The following ABR variants were observed in gnomAD, a reference collection of about 807,000 sequenced individuals.
ABR encodes the protein active breakpoint cluster region-related protein.
ABR carries 35 observed loss-of-function variants against 107.2 expected under a neutral mutation model. The observed-to-expected ratio is 0.33, with a 90% CI of 0.25 to 0.43. ABR has a LOEUF of 0.43. Ranked by LOEUF, ABR falls within the 20% of genes least tolerant of loss-of-function variation. The pLI, the probability that ABR is intolerant of heterozygous loss-of-function variation, is 1.00. For synonymous variants in ABR, 498 were observed against 462.0 expected, an observed-to-expected ratio of 1.08 and a Z score of -1.00; for missense variants, 815 against 1,115.2, an observed-to-expected ratio of 0.73 and a Z score of 3.83.
chr17:1,196,257 C>G (rs568557223), intron 1 of ABR, among the ~76,000 whole-genome samples: 23 of 152,040 alleles, frequency 1.5e-4, no homozygotes, highest in African/African-American at 5.3e-4. Flanking sequence ...TGGCGAAACC[C>G]TCTTTCTACT....
chr17:1,136,009 A>T (rs1471617873), intron 1 of ABR, among the ~76,000 whole-genome samples: 1 of 151,910 alleles, frequency 6.6e-6, no homozygotes, highest in South Asian at 2.1e-4. Flanking sequence ...CATTACTCCT[A>T]AAGTCCCTGG....
chr17:1,162,837 G>C (rs140493392), intron 1 of ABR, among the ~76,000 whole-genome samples: 343 of 152,332 alleles, frequency 2.3e-3, no homozygotes, highest in Middle Eastern at 6.8e-3. Flanking sequence ...ACTTTGGGAG[G>C]CTGAGGCAGG....
intron 5 of ABR, among the ~76,000 whole-genome samples, chr17:1,082,735 T>C (rs1401627355): frequency 6.6e-6 from 1 of 152,180 alleles, no homozygotes; most frequent in Non-Finnish European, 1.5e-5. Context: ...ATATAGAATC[T>C]TGGGCCCCAC....
At chr17:1,040,102 C>T (rs1386315470) in intron 16 of ABR, among the ~76,000 whole-genome samples, 5 of 152,164 alleles carry the variant, frequency 3.3e-5, no homozygotes, top group African/African-American at 9.7e-5. Context: ...TACCGGCCGT[C>T]GATCATCTTC....
upstream of ABR, among the ~76,000 whole-genome samples, chr17:1,188,543 C>T (rs2042363808): frequency 1.1e-5 from 1 of 88,408 alleles, no homozygotes; most frequent in Admixed American, 9.6e-5. Flanking sequence ...GAGGGAGACT[C>T]CGTCTCAAAA....
In ABR at chr17:1,067,371, C is replaced by G. The variant is rs1173855091; in HGVS notation, c.1017-129G>C. The G allele has an allele frequency of 3.4e-6, 3 of 886,886 alleles. No individual in the cohort carries two copies. The African/African-American group carries it at 5.2e-5, about 15-fold the overall frequency. 54.9% of individuals were successfully genotyped at this position (886,886 alleles called of 1,614,324 possible). ...AACTCGCCAGAAGCAAGAACGATCC[C>G]TGCTCCTGAGGAGCCTGATTGGGAA... On this transcript the variant is annotated intron_variant, in intron 9 of 22. Transcript: ENST00000302538.
chr17:1,125,022 G>C (rs1380473072), intron 2 of ABR, among the ~76,000 whole-genome samples, 161 bp downstream of exon 2: 1 of 152,064 alleles, frequency 6.6e-6, no homozygotes, highest in African/African-American at 2.4e-5. Context: ...GCCTGAGAGG[G>C]GTCCAGGGCC....
At position 1,024,024 on chromosome 17, in the gene ABR, C is replaced by CAAAAAAAAAAAAAAAAAAAAAA. The variant is rs11334940; in HGVS notation, c.1792-10882_1792-10861dup. Among the ~76,000 whole-genome samples, 39 of 47,674 alleles carry CAAAAAAAAAAAAAAAAAAAAAA rather than the reference C, an allele frequency of 8.2e-4. 4 individuals are homozygous for CAAAAAAAAAAAAAAAAAAAAAA. The highest frequency in any genetic ancestry group is 0.019 in the Middle Eastern group (1 of 52). 31.3% of individuals were successfully genotyped at this position (47,674 alleles called of 152,430 possible). A position where few individuals can be genotyped will look rare whatever the true frequency, so the allele number is the denominator to read the frequency against. ...TGGGCGACAGAGCGAGACTCCATCT[C>CAAAAAAAAAAAAAAAAAAAAAA]AAAAAAAAAAAAAAAAAAAAAAAAA... is the stretch of plus-strand genomic sequence containing the variant. On this transcript the variant is annotated intron_variant, in intron 16 of 22. Transcript: ENST00000302538.
rs1005988533 is a variant in ABR, at chr17:1,027,908, A to G, written c.1792-14744T>C. Among the ~76,000 whole-genome samples the G allele has an allele frequency of 9.9e-5, 15 of 152,116 alleles. No homozygotes were observed. The highest frequency in any genetic ancestry group is 3.4e-4 in the African/African-American group (14 of 41,422). ...TTATAAAATAAAGTAGACGAGCCCA[A>G]GACATATCTGTATCTTGTACCCAGC... is the stretch of plus-strand genomic sequence containing the variant. On this transcript the variant is annotated intron_variant, in intron 16 of 22. Coordinates refer to ENST00000302538, the MANE Select transcript of ABR (RefSeq NM_021962.5). The surrounding 1 kb of genome is among the most constrained non-coding windows in gnomAD (Gnocchi z 4.7).
In ABR at chr17:1,051,673, C is replaced by A. The variant is rs2032547082; in HGVS notation, c.1562-1039G>T. On this transcript the variant is annotated intron_variant, in intron 14 of 22. Coordinates refer to ENST00000302538, the MANE Select transcript of ABR (RefSeq NM_021962.5). This position sits in a 1 kb window ranked among gnomAD's most constrained non-coding sequence, Gnocchi z 4.3. Reference sequence around the variant, plus strand: ...GTGCCTTTGGGACACTATGGCCAACCCTCTGCAGCGTGAAACAACGTCAGA... The same window carrying A: ...GTGCCTTTGGGACACTATGGCCAACACTCTGCAGCGTGAAACAACGTCAGA... 6.6e-6 allele frequency among the ~76,000 whole-genome samples: 1 copy of A among 152,228 alleles called. No homozygotes were observed. Among genetic ancestry groups the A allele is most frequent in the Non-Finnish European group, 1.5e-5 (1 of 68,038 alleles).
At chr17:1,212,205 G>T (rs2042916313) in intron 1 of ABR, among the ~76,000 whole-genome samples, 1 of 151,852 alleles carries the variant, frequency 6.6e-6, no homozygotes, top group African/African-American at 2.4e-5. Context: ...AAGGCAGGAA[G>T]ATCTCTCGAG....
chr17:1,105,887 C>T (rs980985331), intron 2 of ABR, among the ~76,000 whole-genome samples: 5 of 151,656 alleles, frequency 3.3e-5, no homozygotes, highest in African/African-American at 4.8e-5. Flanking sequence ...AAAAATGGCA[C>T]AGAATGATAC....
intron 2 of ABR, among the ~76,000 whole-genome samples, chr17:1,111,856 G>A (rs1449536096): frequency 1.3e-5 from 2 of 152,198 alleles, no homozygotes; most frequent in Non-Finnish European, 2.9e-5. Flanking sequence ...TCTAGCACCT[G>A]CCCCGGCCAC....
rs71357147 is a variant in ABR at position 1,010,451 on chromosome 17, G to A, written c.2236+278C>T. The A allele has an allele frequency of 8.5e-4, 393 of 462,512 alleles. 2 individuals are homozygous for A. Among genetic ancestry groups the A allele is most frequent in the Non-Finnish European group, 8.1e-4 (206 of 253,380 alleles). 28.7% of individuals were successfully genotyped at this position (462,512 alleles called of 1,614,324 possible). ...TCAGGGCAGTCTTCCCTGGATGCTC[G>A]AGCTTCCAAGCAAGAGGCCAACGTC... On this transcript the variant is annotated intron_variant, in intron 20 of 22. Coordinates refer to ENST00000302538, the MANE Select transcript of ABR (RefSeq NM_021962.5). This position sits in a 1 kb window ranked among gnomAD's most constrained non-coding sequence, Gnocchi z 4.1.
intron 1 of ABR, among the ~76,000 whole-genome samples, chr17:1,137,647 G>T (rs562066894): frequency 6.6e-6 from 1 of 152,318 alleles, no homozygotes; most frequent in South Asian, 2.1e-4. Context: ...GAAAGATCGT[G>T]AGAACCACCA....
At chr17:1,192,996 C>A (rs528405710) in intron 1 of ABR, among the ~76,000 whole-genome samples, 8 of 152,106 alleles carry the variant, frequency 5.3e-5, no homozygotes, top group Non-Finnish European at 8.8e-5. Context: ...TGTAGTGAGC[C>A]GAGATTGCGC....
intron 7 of ABR, 68 bp from the exon 8 acceptor site, chr17:1,072,822 G>A: frequency 6.5e-7 from 1 of 1,542,032 alleles, no homozygotes; most frequent in Non-Finnish European, 8.7e-7. Context: ...ACCGGGGAGT[G>A]CTCAGTCCCC....
chr17:1,186,911 A>G (rs978137267), exon 1 of ABR: 2 of 152,342 alleles, frequency 1.3e-5, no homozygotes, highest in African/African-American at 4.8e-5. Context: ...CTTAGCCCCA[A>G]GGGAAACAAG....
intron 11 of ABR, among the ~76,000 whole-genome samples, chr17:1,058,498 G>A (rs1358289808): frequency 1.3e-5 from 2 of 152,130 alleles, no homozygotes; most frequent in African/African-American, 4.8e-5. Flanking sequence ...CTGGGGGTGG[G>A]TGGGTGAAGG....
Sources: gnomAD v4.1 joint callset for allele counts (sites outside exome capture counted in the v4.1 genomes callset) on GRCh38, gnomAD v4.1.1 for gene constraint, Gnocchi (gnomAD v3.1) non-coding constraint, MANE v1.5 for transcripts, NCBI Gene and HGNC (gene_info 2026-07-23, HGNC 2026-07-21) for gene names.